The following CRADD variants were observed in gnomAD, a reference collection of about 807,000 sequenced individuals.
The protein encoded by CRADD is CARD and death domain containing adaptor protein.
In CRADD, 9 loss-of-function variants were observed where a neutral mutation model predicts 15.5. The observed-to-expected ratio is 0.58, with a 90% CI of 0.35 to 1.01. The LOEUF (loss-of-function observed/expected upper bound fraction) is 1.01. Among genes scored for constraint, CRADD ranks in the 50% least tolerant of loss-of-function variants. The pLI, the probability that CRADD is intolerant of heterozygous loss-of-function variation, is 0.02. For missense variants in CRADD, 227 were observed against 250.3 expected, an observed-to-expected ratio of 0.91 and a Z score of 0.63; for synonymous variants, 118 against 107.6, an observed-to-expected ratio of 1.10 and a Z score of -0.60.
At chr12:93,734,398 G>A (rs541526217) in intron 2 of CRADD, among the ~76,000 whole-genome samples, 11 of 152,136 alleles carry the variant, frequency 7.2e-5, no homozygotes, top group Non-Finnish European at 1.6e-4. Flanking sequence ...TGACTTACTT[G>A]GGATAATAAT....
At chr12:93,855,246 G>C (rs1958263193), downstream of CRADD, among the ~76,000 whole-genome samples, 1 of 151,508 alleles carries the variant, frequency 6.6e-6, no homozygotes, top group Non-Finnish European at 1.5e-5. Flanking sequence ...TGGACACACA[G>C]ACACACACAC....
At chr12:93,756,351 A>G (rs190134535) in intron 2 of CRADD, among the ~76,000 whole-genome samples, 1 of 152,352 alleles carries the variant, frequency 6.6e-6, no homozygotes, top group African/African-American at 2.4e-5. Flanking sequence ...TAGTTAAGCC[A>G]TGATCCAGTG....
intron 2 of CRADD, among the ~76,000 whole-genome samples, chr12:93,766,538 A>G (rs544570337): frequency 9.3e-4 from 141 of 152,302 alleles, no homozygotes; most frequent in African/African-American, 3.2e-3. Context: ...TCCTCTGGCC[A>G]CACTGGGATT....
chr12:93,865,576 GC>G (rs1382887015), intron 2 of CRADD, among the ~76,000 whole-genome samples: 1 of 152,010 alleles, frequency 6.6e-6, no homozygotes, highest in East Asian at 1.9e-4. Flanking sequence ...ATGCCACCAT[GC>G]CTGGCTGATT....
chr12:93,848,479 T>C (rs554772789), intron 2 of CRADD, among the ~76,000 whole-genome samples: 45 of 152,356 alleles, frequency 3.0e-4, no homozygotes, highest in African/African-American at 1.1e-3. Context: ...ATCCCTGTGA[T>C]GCTGATGGAT....
intron 2 of CRADD, among the ~76,000 whole-genome samples, chr12:93,845,464 C>T (rs1958102060): frequency 1.3e-5 from 2 of 152,070 alleles, no homozygotes; most frequent in African/African-American, 4.8e-5. Context: ...TGGTTCACAC[C>T]TGTAATCCCA....
Position 93,850,345 on chromosome 12 carries a change from G to A in CRADD, c.*74G>A. The A allele has an allele frequency of 6.7e-7, 1 of 1,497,458 alleles. No individual in the cohort carries two copies. The highest frequency in any genetic ancestry group is 8.9e-7 in the Non-Finnish European group (1 of 1,128,722). 92.8% of individuals were successfully genotyped at this position (1,497,458 alleles called of 1,614,324 possible). A position where few individuals can be genotyped will look rare whatever the true frequency, so the allele number is the denominator to read the frequency against. ...TGAATCCTGACTTTCACTCAGAGCA[G>A]GTGGTTTTTTGTGTAGGTTTGTTTT... On this transcript the variant is annotated 3_prime_UTR_variant, in exon 3 of 3. Transcript: ENST00000332896. The surrounding 1 kb of genome is among the most constrained non-coding windows in gnomAD (Gnocchi z 4.0).
At chr12:93,798,965 T>C (rs1957449214) in intron 2 of CRADD, among the ~76,000 whole-genome samples, 1 of 151,856 alleles carries the variant, frequency 6.6e-6, no homozygotes, top group Non-Finnish European at 1.5e-5. Context: ...TGGGCTCTCT[T>C]ACACCTGTGT....
At chr12:93,778,050 A>G (rs1445695035) in intron 2 of CRADD, among the ~76,000 whole-genome samples, 1 of 152,216 alleles carries the variant, frequency 6.6e-6, no homozygotes, top group Non-Finnish European at 1.5e-5. Context: ...GAAGCCCAAG[A>G]CAGTCCATGT....
chr12:93,887,594 G>A (rs527379136), intron 2 of CRADD, among the ~76,000 whole-genome samples: 82 of 152,328 alleles, frequency 5.4e-4, no homozygotes, highest in African/African-American at 1.9e-3. Flanking sequence ...TCGGTTCTTG[G>A]TATTGTTAAA....
chr12:93,737,344 G>A (rs191859034), intron 2 of CRADD, among the ~76,000 whole-genome samples: 28 of 152,324 alleles, frequency 1.8e-4, no homozygotes, highest in African/African-American at 6.7e-4. Flanking sequence ...GCTAAAGATA[G>A]CTTGAATGGT....
At chr12:93,746,985 C>G (rs536627291) in intron 2 of CRADD, among the ~76,000 whole-genome samples, 2 of 151,892 alleles carry the variant, frequency 1.3e-5, no homozygotes, top group East Asian at 3.9e-4. Flanking sequence ...CAAATGAATT[C>G]AGGCCAAATG....
At chr12:93,842,370 C>CT (rs1958059268) in intron 2 of CRADD, among the ~76,000 whole-genome samples, 1 of 152,110 alleles carries the variant, frequency 6.6e-6, no homozygotes, top group South Asian at 2.1e-4. Flanking sequence ...GAAGACATGG[C>CT]TTTTTTTCTG....
chr12:93,680,392 C>G (rs528713650), intron 2 of CRADD, among the ~76,000 whole-genome samples: 1 of 152,234 alleles, frequency 6.6e-6, no homozygotes, highest in East Asian at 1.9e-4. Flanking sequence ...TATTTTTGCT[C>G]CATGGACCTC....
intron 2 of CRADD, among the ~76,000 whole-genome samples, chr12:93,703,978 CTTTTTTTTTTTTTT>C (rs71071759): frequency 2.2e-5 from 2 of 90,270 alleles, no homozygotes; most frequent in Non-Finnish European, 4.3e-5. Context: ...TGGAGCCTTT[CTTTTTTTTTTTTTT>C]TTTTTTTTGT....
chr12:93,767,521 T>C (rs1455512827), intron 2 of CRADD, among the ~76,000 whole-genome samples: 1 of 152,238 alleles, frequency 6.6e-6, no homozygotes, highest in South Asian at 2.1e-4. Context: ...GTCCTGTGTT[T>C]AGGGCTTTGG....
intron 2 of CRADD, among the ~76,000 whole-genome samples, chr12:93,746,935 C>G (rs1174496892): frequency 6.6e-6 from 1 of 151,992 alleles, no homozygotes; most frequent in Non-Finnish European, 1.5e-5. Flanking sequence ...TAAATAAAAA[C>G]TATAAATAGC....
At chr12:93,726,692 AT>A (rs900114584) in intron 2 of CRADD, among the ~76,000 whole-genome samples, 4 of 150,486 alleles carry the variant, frequency 2.7e-5, no homozygotes, top group African/African-American at 7.3e-5. Flanking sequence ...TTTTTTCCTC[AT>A]TTTTTTTTTC....
At chr12:93,886,056 G>A (rs1214600278) in intron 2 of CRADD, among the ~76,000 whole-genome samples, 1 of 151,764 alleles carries the variant, frequency 6.6e-6, no homozygotes, top group Non-Finnish European at 1.5e-5. Flanking sequence ...ATAAAATAAG[G>A]ATCTCTGTAG....
Sources: allele counts gnomAD v4.1 joint callset (sites outside exome capture counted in the v4.1 genomes callset), GRCh38; gene constraint gnomAD v4.1.1; non-coding constraint Gnocchi (gnomAD v3.1); transcripts MANE v1.5; gene names NCBI Gene and HGNC (gene_info 2026-07-23, HGNC 2026-07-21).